Variants in SRPK2 observed in about 807,000 individuals in gnomAD.
SRPK2 encodes SFRS protein kinase 2.
In SRPK2, 21 loss-of-function variants were observed where a neutral mutation model predicts 90.8. That is an observed-to-expected ratio of 0.23 (90% CI 0.16 to 0.33). The LOEUF is 0.33. SRPK2 is among the 10% of genes least tolerant of loss of function. The probability of loss-of-function intolerance (pLI) is 1.00; values close to 1 mark genes in which losing one functional copy is unlikely to be tolerated. For synonymous variants in SRPK2, 288 were observed against 311.1 expected, an observed-to-expected ratio of 0.93 and a Z score of 0.78; for missense variants, 620 against 869.0, an observed-to-expected ratio of 0.71 and a Z score of 3.60.
At position 105,117,634 on chromosome 7, in the gene SRPK2, A is replaced by T. The variant is rs2129570857; in HGVS notation, c.*204T>A. ...TCCAGAAGAAAATGGTCAGTAAACTACTTAGCTGAAGACAAAAGACTACCC... is the reference window on the plus strand; with the variant it reads ...TCCAGAAGAAAATGGTCAGTAAACTTCTTAGCTGAAGACAAAAGACTACCC... On this transcript the variant is annotated 3_prime_UTR_variant, in exon 16 of 16. Transcript: ENST00000393651. 1.7e-6 allele frequency: 1 copy of T among 585,300 alleles called. No homozygotes were observed. Among genetic ancestry groups the T allele is most frequent in the Non-Finnish European group, 3.0e-6 (1 of 335,012 alleles). 36.3% of individuals were successfully genotyped at this position (585,300 alleles called of 1,614,324 possible). A position where few individuals can be genotyped will look rare whatever the true frequency, so the allele number is the denominator to read the frequency against.
intron 2 of SRPK2, among the ~76,000 whole-genome samples, chr7:105,327,989 C>G (rs1024492493): frequency 1.3e-5 from 2 of 152,070 alleles, no homozygotes; most frequent in African/African-American, 2.4e-5. Flanking sequence ...GTAGTAAAAA[C>G]GGGGTTTCAG....
chr7:105,330,497 A>G (rs1412732481), intron 2 of SRPK2, among the ~76,000 whole-genome samples: 2 of 152,162 alleles, frequency 1.3e-5, no homozygotes, highest in East Asian at 3.8e-4. Flanking sequence ...AGTAGCAAAC[A>G]TTAACAACAG....
chr7:105,337,538 C>T (rs1815251377), intron 2 of SRPK2, among the ~76,000 whole-genome samples: 1 of 152,022 alleles, frequency 6.6e-6, no homozygotes, highest in Non-Finnish European at 1.5e-5. Context: ...TGGTCTCAAA[C>T]TCCTGACCTC....
intron 2 of SRPK2, among the ~76,000 whole-genome samples, chr7:105,278,482 T>C (rs550740392): frequency 2.8e-4 from 41 of 143,886 alleles, no homozygotes; most frequent in Non-Finnish European, 5.4e-4. Context: ...GAGACCAGCC[T>C]GGCCAACACG....
intron 2 of SRPK2, among the ~76,000 whole-genome samples, chr7:105,214,767 G>A (rs1433519680): frequency 6.6e-6 from 1 of 152,152 alleles, no homozygotes; most frequent in African/African-American, 2.4e-5. Context: ...TGCCAATATG[G>A]GAAAATGCCC....
chr7:105,361,735 C>T (rs10267939), intron 2 of SRPK2, among the ~76,000 whole-genome samples: 70,124 of 151,928 alleles, frequency 0.46, 17,041 homozygotes, highest in East Asian at 0.93. Context: ...AAGCATTCCC[C>T]ATTTAATAAA....
At chr7:105,389,102 C>G, upstream of SRPK2, 5 of 975,220 alleles carry the variant, frequency 5.1e-6, no homozygotes, top group Non-Finnish European at 6.1e-6. Context: ...CATGGCCGCG[C>G]TGGCCCTCGG....
intron 3 of SRPK2, among the ~76,000 whole-genome samples, chr7:105,188,255 T>C (rs1232557473): frequency 2.6e-5 from 4 of 152,220 alleles, no homozygotes; most frequent in African/African-American, 9.7e-5. Context: ...CAAAAAGTGA[T>C]GTATTGTGTT....
At chr7:105,338,291 A>C (rs978852668) in intron 2 of SRPK2, among the ~76,000 whole-genome samples, 1 of 152,192 alleles carries the variant, frequency 6.6e-6, no homozygotes, top group Non-Finnish European at 1.5e-5. Flanking sequence ...CCCAGGCTGC[A>C]GTAGCATGAT....
chr7:105,355,334 A>G (rs1474600562), intron 2 of SRPK2, among the ~76,000 whole-genome samples: 1 of 141,722 alleles, frequency 7.1e-6, no homozygotes, highest in East Asian at 2.2e-4. Flanking sequence ...CATCTCTACG[A>G]AAAAAAAAAA....
intron 3 of SRPK2, among the ~76,000 whole-genome samples, chr7:105,179,086 A>G (rs1460365405): frequency 1.3e-5 from 2 of 152,202 alleles, no homozygotes; most frequent in Non-Finnish European, 2.9e-5. Flanking sequence ...CACACAGATT[A>G]AAGGTCAGTC....
intron 3 of SRPK2, among the ~76,000 whole-genome samples, chr7:105,179,453 C>T (rs1316112366): frequency 6.6e-6 from 1 of 151,920 alleles, no homozygotes; most frequent in Non-Finnish European, 1.5e-5. Flanking sequence ...ACTAACTGGC[C>T]CAAAGCATAA....
At chr7:105,269,000 G>A in intron 2 of SRPK2, 5 of 1,379,864 alleles carry the variant, frequency 3.6e-6, no homozygotes, top group Non-Finnish European at 4.8e-6. Flanking sequence ...CTTCTGTTAG[G>A]ACTGGGATTC....
intron 2 of SRPK2, among the ~76,000 whole-genome samples, chr7:105,240,710 C>A (rs530137126): frequency 6.6e-6 from 1 of 152,216 alleles, no homozygotes; most frequent in South Asian, 2.1e-4. Flanking sequence ...ATGGGAAGAT[C>A]TACAGGTGAT....
intron 2 of SRPK2, among the ~76,000 whole-genome samples, chr7:105,301,184 C>T (rs1037613113): frequency 4.8e-4 from 73 of 152,076 alleles, no homozygotes; most frequent in African/African-American, 1.6e-3. Context: ...TGGCTCACGC[C>T]TGTAATCCCA....
At chr7:105,371,467 A>G (rs139961143) in intron 2 of SRPK2, among the ~76,000 whole-genome samples, 1 of 135,836 alleles carries the variant, frequency 7.4e-6, no homozygotes, top group African/African-American at 2.7e-5. Flanking sequence ...GAAATACTGT[A>G]TCAGTAGGGC....
chr7:105,124,186 C>T (rs537076881), intron 15 of SRPK2, among the ~76,000 whole-genome samples: 13 of 152,184 alleles, frequency 8.5e-5, no homozygotes, highest in Admixed American at 2.0e-4. Flanking sequence ...ATGCCTGCAA[C>T]CAGCTCCATG....
intron 2 of SRPK2, among the ~76,000 whole-genome samples, chr7:105,285,662 G>C (rs1301229320): frequency 6.6e-6 from 1 of 152,066 alleles, no homozygotes; most frequent in Non-Finnish European, 1.5e-5. Flanking sequence ...GTTCACATGA[G>C]ATCTGATTGT....
At chr7:105,256,675 G>A (rs1803355817) in intron 2 of SRPK2, among the ~76,000 whole-genome samples, 3 of 152,144 alleles carry the variant, frequency 2.0e-5, no homozygotes, top group Admixed American at 1.3e-4. Context: ...CATTTAAAAT[G>A]AAGAGATTTG....
Sources: allele counts gnomAD v4.1 joint callset (sites outside exome capture counted in the v4.1 genomes callset), GRCh38; gene constraint gnomAD v4.1.1; transcripts MANE v1.5; gene names NCBI Gene and HGNC (gene_info 2026-07-23, HGNC 2026-07-21).